SMPD1: variants seen among roughly 807,000 people sequenced by gnomAD.
SMPD1 encodes the protein sphingomyelin phosphodiesterase.
In SMPD1, 47 loss-of-function variants were observed where a neutral mutation model predicts 49.7. The observed-to-expected ratio is 0.95, with a 90% CI of 0.75 to 1.21. The LOEUF (loss-of-function observed/expected upper bound fraction) is 1.21, where lower values mean the gene tolerates loss of function less well. Among genes scored for constraint, SMPD1 ranks in the 50% most tolerant of loss-of-function variants. The pLI, the probability that SMPD1 is intolerant of heterozygous loss-of-function variation, is 0.00. For synonymous variants in SMPD1, 336 were observed against 339.6 expected (o/e 0.99, Z 0.12); for missense variants, 811 against 822.2 (o/e 0.99, Z 0.17).
rs527767942 is a variant in SMPD1, at chr11:6,390,908, G to A, written c.310G>A (p.Gly104Arg). ...CKGLFTAINL[G>R]LKKEPNVARV... ...AGGTCTATTCACCGCCATCAACCTC[G>A]GGCTGAAGGTGAGCACTGAAGGGGC... is the stretch of plus-strand genomic sequence containing the variant. Residue 104 changes from glycine (G) to arginine (R), a missense_variant, in exon 1 of 6, where the codon GGG becomes AGG. Gly to Arg is a moderately radical substitution (Grantham distance 125). Coordinates refer to ENST00000342245, the MANE Select transcript of SMPD1 (RefSeq NM_000543.5). 13 of 1,614,124 alleles carry A rather than the reference G, an allele frequency of 8.1e-6. No homozygotes were observed. The South Asian group carries it at 1.4e-4, about 18-fold the overall frequency.
At chr11:6,393,535 C>A in intron 3 of SMPD1, 82 bp from the exon 4 acceptor site, 1 of 1,391,950 alleles carries the variant, frequency 7.2e-7, no homozygotes, top group Non-Finnish European at 1.0e-6. Context: ...TGTTGAAAGC[C>A]TTCATTCAGT....
intron 4 of SMPD1, 98 bp downstream of exon 4, chr11:6,393,791 G>C: frequency 2.6e-6 from 4 of 1,535,686 alleles, no homozygotes; most frequent in Non-Finnish European, 3.6e-6. Context: ...CCATGGAGTG[G>C]GGAGGCTCCT....
chr11:6,392,197 G>A (rs1336339661), intron 2 of SMPD1, 41 bp downstream of exon 2: 1 of 1,611,714 alleles, frequency 6.2e-7, no homozygotes, highest in Non-Finnish European at 8.5e-7. Flanking sequence ...GAAAAGAAAG[G>A]TGAATGAAAG....
chr11:6,393,353 G>A lies in SMPD1; in HGVS notation c.1229G>A (p.Gly410Glu), dbSNP rs938247842. ...DPAGQLQWLV[G>E]ELQAAEDRGD... ...GCAGGACAGCTCCAGTGGCTGGTGG[G>A]GGAGCTTCAGGCTGCTGAGGATCGA... The change falls in exon 3 of 6, where the codon GGG becomes GAG. Residue 410 changes from glycine (G) to glutamate (E), a missense_variant. By Grantham distance (98) the Gly-to-Glu change is moderately conservative. Coordinates refer to ENST00000342245, the MANE Select transcript of SMPD1 (RefSeq NM_000543.5). The A allele has an allele frequency of 1.9e-6, 3 of 1,613,778 alleles. No homozygotes were observed. Among genetic ancestry groups the A allele is most frequent in the South Asian group, 2.2e-5 (2 of 91,070 alleles).
rs1848121399 is a variant in SMPD1 at position 6,394,885 on chromosome 11, C to T, written c.*278C>T. 1.9e-6 allele frequency: 1 copy of T among 523,622 alleles called. No individual in the cohort carries two copies. The highest frequency in any genetic ancestry group is 3.2e-5 in the Admixed American group (1 of 31,060). The allele number at this position is 523,622 out of a possible 1,614,324, so 32.4% of individuals were successfully genotyped here. On this transcript the variant is annotated 3_prime_UTR_variant, in exon 6 of 6. Coordinates refer to ENST00000342245, the MANE Select transcript of SMPD1 (RefSeq NM_000543.5). ...CTAAGTTGACACTGCCCTGGGCAGA[C>T]AAGACAGGAGCTGTCGCCCCAGGCC... is the stretch of plus-strand genomic sequence containing the variant.
chr11:6,390,850 T>G lies in SMPD1; in HGVS notation c.252T>G (p.Phe84Leu), dbSNP rs1243691934. 1 of 1,614,088 alleles carries G rather than the reference T, an allele frequency of 6.2e-7. No homozygotes were observed. The highest frequency in any genetic ancestry group is 8.5e-7 in the Non-Finnish European group (1 of 1,179,998). ...HRIVPRLRDV[F>L]GWGNLTCPIC... ...TAGTGCCCCGGCTCCGAGATGTCTT[T>G]GGGTGGGGGAACCTCACCTGCCCAA... Residue 84 changes from phenylalanine (F) to leucine (L), a missense_variant, in exon 1 of 6, where the codon TTT (phenylalanine) becomes TTG (leucine). Physicochemically the swap from Phe to Leu is conservative, Grantham distance 22. Transcript: ENST00000342245.
rs144428799 is a variant in SMPD1, at chr11:6,390,889, A to G, written c.291A>G (p.Leu97=). The change falls in exon 1 of 6, where the codon CTA becomes CTG. Residue 97 remains leucine (L), a synonymous_variant. Transcript: ENST00000342245. ...GNLTCPICKG[L]FTAINLGLKK... is the part of the protein sequence containing the mutation. ...TCACCTGCCCAATCTGCAAAGGTCT[A>G]TTCACCGCCATCAACCTCGGGCTGA... 17 of 1,613,984 alleles carry G rather than the reference A, an allele frequency of 1.1e-5. No homozygotes were observed. Among genetic ancestry groups the G allele is most frequent in the South Asian group, 6.6e-5 (6 of 91,072 alleles).
chr11:6,394,633 G>T lies in SMPD1; in HGVS notation c.*26G>T. 6.3e-7 allele frequency: 1 copy of T among 1,586,376 alleles called. No homozygotes were observed. Among genetic ancestry groups the T allele is most frequent in the Non-Finnish European group, 8.6e-7 (1 of 1,168,412 alleles). On this transcript the variant is annotated 3_prime_UTR_variant, in exon 6 of 6. Transcript: ENST00000342245. The stretch of plus-strand genomic sequence containing the variant: ...GGCCCCAGGGCCCACATTTGGGAAA[G>T]TTCTTGATGTAGGAAAGGGTGAAAA...
chr11:6,391,024 G>C, intron 1 of SMPD1, 108 bp downstream of exon 1: 1 of 1,393,754 alleles, frequency 7.2e-7, no homozygotes, highest in South Asian at 1.2e-5. Context: ...GATGGAGAGG[G>C]TGGCATCTAC....
At position 6,390,764 on chromosome 11, in the gene SMPD1, TG is replaced by T; in HGVS notation, c.169del (p.Ala57LeufsTer20). ...GGCTCTGTCTGACTCTCGGGTTCTC[TG>T]GGCTCCGGCAGAGGCTCACCCTCTT... ...ALALSDSRVL[W>X]APAEAHPLSP... On this transcript the variant is annotated frameshift_variant, in exon 1 of 6. Transcript: ENST00000342245. LOFTEE classifies it high-confidence loss of function. 6.2e-7 allele frequency: 1 copy of T among 1,613,658 alleles called. No individual in the cohort carries two copies. The highest frequency in any genetic ancestry group is 8.5e-7 in the Non-Finnish European group (1 of 1,179,836).
Position 6,392,136 on chromosome 11 carries a change from C to G in SMPD1, c.1071C>G (p.Ala357=). ...AGGCTTGGGAGCCCTGGCTGCCTGC[C>G]GAAGCCCTGCGCACCCTCAGGTACT... is the stretch of plus-strand genomic sequence containing the variant. The part of the protein sequence containing the change: ...MAKAWEPWLP[A]EALRTLRIGG... The change falls in exon 2 of 6, where the codon GCC becomes GCG. Residue 357 remains alanine, a synonymous_variant. Transcript: ENST00000342245. 6.2e-7 allele frequency: 1 copy of G among 1,614,112 alleles called. No individual in the cohort carries two copies. The highest frequency in any genetic ancestry group is 8.5e-7 in the Non-Finnish European group (1 of 1,180,022).
At chr11:6,391,064 G>T in intron 1 of SMPD1, 148 bp downstream of exon 1, 2 of 1,056,748 alleles carry the variant, frequency 1.9e-6, no homozygotes. Context: ...TCCCCTTTGG[G>T]GACACCCATG....
rs1446986999 is a variant in SMPD1, at chr11:6,394,046, G to C, written c.1486+5G>C. 1 of 1,614,208 alleles carries C rather than the reference G, an allele frequency of 6.2e-7. No homozygotes were observed. The highest frequency in any genetic ancestry group is 2.2e-5 in the East Asian group (1 of 44,880). ...CCTACATCGGCCTTAATCCTGGTGA[G>C]TGAGGCAGAAGGGAGCCTCCCTTAT... is the stretch of plus-strand genomic sequence containing the variant. On this transcript the variant is annotated splice_donor_5th_base_variant and intron_variant, in intron 5 of 5. Transcript: ENST00000342245.
In SMPD1 at chr11:6,394,828, C is replaced by A. The variant is rs948074613; in HGVS notation, c.*221C>A. The A allele has an allele frequency of 2.0e-5, 12 of 597,754 alleles. No individual in the cohort carries two copies. The highest frequency in any genetic ancestry group is 3.6e-5 in the Non-Finnish European group (12 of 337,132). 37.0% of individuals were successfully genotyped at this position (597,754 alleles called of 1,614,324 possible). On this transcript the variant is annotated 3_prime_UTR_variant, in exon 6 of 6. Coordinates refer to ENST00000342245, the MANE Select transcript of SMPD1 (RefSeq NM_000543.5). The stretch of plus-strand genomic sequence containing the variant: ...GCCCAGGAGCTAGACTGCCTTGAGG[C>A]TGCTGTCCTTTCACAGCCATGGAGT...
chr11:6,393,424 GA>G, intron 3 of SMPD1, 37 bp downstream of exon 3: 1 of 1,595,878 alleles, frequency 6.3e-7, no homozygotes. Flanking sequence ...GGTGCTGGGG[GA>G]CAAGCAGGCT....
At chr11:6,394,120 A>G in intron 5 of SMPD1, 78 bp from the exon 6 acceptor site, 2 of 1,613,540 alleles carry the variant, frequency 1.2e-6, no homozygotes, top group Non-Finnish European at 1.7e-6. Context: ...GAGCCTGCAA[A>G]GCATGGGCAG....
chr11:6,392,703 C>A (rs1847988788), intron 2 of SMPD1, among the ~76,000 whole-genome samples: 1 of 150,736 alleles, frequency 6.6e-6, no homozygotes, highest in Non-Finnish European at 1.5e-5. Flanking sequence ...CCATGTTGGC[C>A]AAGATGGTCT....
rs754979734 is a variant in SMPD1 at position 6,394,258 on chromosome 11, A to T, written c.1547A>T (p.His516Leu). Residue 516 changes from histidine to leucine, a missense_variant, in exon 6 of 6, where the codon CAT becomes CTT. Coordinates refer to ENST00000342245, the MANE Select transcript of SMPD1 (RefSeq NM_000543.5). ...GGGAGCTCTCACGTGGTCCTGGACC[A>T]TGAGACCTACATCCTGAATCTGACC... ...YSGSSHVVLD[H>L]ETYILNLTQA... 1.9e-6 allele frequency: 3 copies of T among 1,614,102 alleles called. No homozygotes were observed. The Admixed American group carries it at 5.0e-5, about 27-fold the overall frequency.
chr11:6,394,803 G>C lies in SMPD1; in HGVS notation c.*196G>C. The stretch of plus-strand genomic sequence containing the variant: ...TATGGGAGGGGGTTTGGCTGCCTGT[G>C]CCCAGGAGCTAGACTGCCTTGAGGC... On this transcript the variant is annotated 3_prime_UTR_variant, in exon 6 of 6. Transcript: ENST00000342245. 4.8e-6 allele frequency: 3 copies of C among 620,496 alleles called. No homozygotes were observed. The highest frequency in any genetic ancestry group is 8.5e-6 in the Non-Finnish European group (3 of 352,086). 38.4% of individuals were successfully genotyped at this position (620,496 alleles called of 1,614,324 possible).
Sources: allele counts gnomAD v4.1 joint callset (sites outside exome capture counted in the v4.1 genomes callset), GRCh38; gene constraint gnomAD v4.1.1; transcripts MANE v1.5; gene names NCBI Gene and HGNC (gene_info 2026-07-23, HGNC 2026-07-21).